SNTG1: variants seen among roughly 807,000 people sequenced by gnomAD.
SNTG1 encodes gamma-1-syntrophin.
In SNTG1, 39 loss-of-function variants were observed where a neutral mutation model predicts 74.7. The observed-to-expected ratio is 0.52, with a 90% CI of 0.40 to 0.68. The LOEUF is 0.68. Ranked by LOEUF, SNTG1 falls within the 30% of genes least tolerant of loss-of-function variation. The pLI is 0.00. For synonymous variants in SNTG1, 254 were observed against 217.1 expected (o/e 1.17, Z -1.49); for missense variants, 685 against 609.5 (o/e 1.12, Z -1.30).
intron 9 of SNTG1, among the ~76,000 whole-genome samples, chr8:50,516,317 A>T (rs966116388): frequency 6.6e-6 from 1 of 152,354 alleles, no homozygotes; most frequent in East Asian, 1.9e-4. Context: ...CCAAAAATAG[A>T]TAAGTCCACA....
chr8:50,044,138 C>A (rs370207467), intron 1 of SNTG1, among the ~76,000 whole-genome samples: 5 of 152,170 alleles, frequency 3.3e-5, no homozygotes, highest in East Asian at 3.9e-4. Context: ...GTTAAACTCA[C>A]AGAAGTCCCT....
chr8:50,141,153 G>A (rs2081643220), intron 1 of SNTG1, among the ~76,000 whole-genome samples: 1 of 152,156 alleles, frequency 6.6e-6, no homozygotes. Context: ...TCACGTTTTA[G>A]GCAGGTCTTC....
At chr8:49,973,373 G>A (rs1419968143) in intron 1 of SNTG1, among the ~76,000 whole-genome samples, 3 of 152,050 alleles carry the variant, frequency 2.0e-5, no homozygotes, top group Non-Finnish European at 2.9e-5. Flanking sequence ...TGGGGTGGGG[G>A]GAAGGGGGAG....
chr8:50,080,712 A>G (rs1265834542), intron 1 of SNTG1, among the ~76,000 whole-genome samples: 1 of 152,188 alleles, frequency 6.6e-6, no homozygotes, highest in Non-Finnish European at 1.5e-5. Context: ...TCTTTGCTGC[A>G]ACTGATCAAT....
chr8:50,080,795 G>A lies in SNTG1; in HGVS notation c.-102-91766G>A, dbSNP rs530498006. 3.3e-5 allele frequency among the ~76,000 whole-genome samples: 5 copies of A among 152,250 alleles called. No homozygotes were observed. The South Asian group carries it at 1.0e-3, about 32-fold the overall frequency. On this transcript the variant is annotated intron_variant, in intron 1 of 18. Coordinates refer to ENST00000642720, the MANE Select transcript of SNTG1 (RefSeq NM_018967.5). ...ACTAAGTCTGTTTTTCAATAAAAAT[G>A]TACCTGCAATCAGTTAGCAGCCCAG...
In SNTG1 at chr8:50,718,012, G is replaced by A. The variant is rs538092189; in HGVS notation, c.1284+9034G>A. ...AGTCCTTAGGGTTTGTGCTTTTGGA[G>A]GTCTCTGTCCTTTTAGCCCAATGAA... On this transcript the variant is annotated intron_variant, in intron 17 of 18. Coordinates refer to ENST00000642720, the MANE Select transcript of SNTG1 (RefSeq NM_018967.5). Among the ~76,000 whole-genome samples, 3 of 152,252 alleles carry A rather than the reference G, an allele frequency of 2.0e-5. No individual in the cohort carries two copies. The South Asian group carries it at 6.2e-4, about 32-fold the overall frequency.
chr8:49,926,336 A>C (rs1807027320), intron 1 of SNTG1, among the ~76,000 whole-genome samples: 1 of 152,116 alleles, frequency 6.6e-6, no homozygotes, highest in African/African-American at 2.4e-5. Flanking sequence ...ATTTTTTTAC[A>C]ATTTATATTT....
intron 1 of SNTG1, among the ~76,000 whole-genome samples, chr8:50,132,286 G>A (rs1393006877): frequency 3.9e-5 from 6 of 151,998 alleles, no homozygotes; most frequent in African/African-American, 9.7e-5. Context: ...AACCATTGCA[G>A]CATCAACTCT....
intron 2 of SNTG1, among the ~76,000 whole-genome samples, chr8:50,265,970 T>C (rs2087443738): frequency 6.6e-6 from 1 of 151,490 alleles, no homozygotes; most frequent in African/African-American, 2.4e-5. Flanking sequence ...ACATACCATA[T>C]TCATAGATAG....
At chr8:50,433,848 C>G (rs978456416) in intron 4 of SNTG1, among the ~76,000 whole-genome samples, 8 of 152,116 alleles carry the variant, frequency 5.3e-5, no homozygotes, top group Admixed American at 2.0e-4. Flanking sequence ...ATAAACAATT[C>G]TAAGTGCTAT....
chr8:50,632,439 T>C (rs545205955), intron 13 of SNTG1, among the ~76,000 whole-genome samples: 1 of 152,050 alleles, frequency 6.6e-6, no homozygotes, highest in Admixed American at 6.5e-5. Context: ...GAATCCTGAG[T>C]AGTTGGGACC....
chr8:50,776,972 T>C (rs2131810254), intron 18 of SNTG1, among the ~76,000 whole-genome samples: 1 of 151,960 alleles, frequency 6.6e-6, no homozygotes, highest in African/African-American at 2.4e-5. Flanking sequence ...TGTTCTCCTA[T>C]AGGTAAGGTT....
At chr8:50,675,973 G>T (rs2095308005) in intron 15 of SNTG1, among the ~76,000 whole-genome samples, 1 of 151,888 alleles carries the variant, frequency 6.6e-6, no homozygotes, top group Non-Finnish European at 1.5e-5. Flanking sequence ...ATCTCTTATG[G>T]CTTGTAGAAT....
Position 50,383,755 on chromosome 8 carries a change from A to G in SNTG1, c.-27-10457A>G, listed in dbSNP as rs562141268. ...ATTGGCATGAATCACAAGCATGGTA[A>G]GACACACCTAAGGAACCTCCTGTGC... On this transcript the variant is annotated intron_variant, in intron 2 of 18. Coordinates refer to ENST00000642720, the MANE Select transcript of SNTG1 (RefSeq NM_018967.5). 3.3e-5 allele frequency among the ~76,000 whole-genome samples: 5 copies of G among 152,290 alleles called. No homozygotes were observed. The East Asian group carries it at 9.7e-4, about 29-fold the overall frequency.
chr8:50,283,495 A>G (rs1339151992), intron 2 of SNTG1, among the ~76,000 whole-genome samples: 1 of 152,244 alleles, frequency 6.6e-6, no homozygotes, highest in Admixed American at 6.5e-5. Context: ...GACACTCATC[A>G]GTATAGGAAA....
At chr8:50,453,882 T>G (rs2093478623) in intron 8 of SNTG1, among the ~76,000 whole-genome samples, 1 of 152,164 alleles carries the variant, frequency 6.6e-6, no homozygotes, top group South Asian at 2.1e-4. Flanking sequence ...CCATGCTTCC[T>G]CCAACAATTC....
At chr8:50,368,015 C>T (rs1216910161) in intron 2 of SNTG1, among the ~76,000 whole-genome samples, 3 of 151,884 alleles carry the variant, frequency 2.0e-5, no homozygotes, top group Admixed American at 6.6e-5. Context: ...TTGGTAGAAA[C>T]GTGGACATTA....
chr8:50,086,457 G>A (rs563416518), intron 1 of SNTG1, among the ~76,000 whole-genome samples: 20 of 152,284 alleles, frequency 1.3e-4, no homozygotes, highest in African/African-American at 4.6e-4. Flanking sequence ...GGGTCAATAT[G>A]ATGTAATAAT....
At chr8:50,665,504 G>A (rs73676389) in intron 15 of SNTG1, among the ~76,000 whole-genome samples, 110 of 152,012 alleles carry the variant, frequency 7.2e-4, no homozygotes, top group African/African-American at 2.7e-3. Flanking sequence ...TCAATAGCAA[G>A]GAGCACACTC....
Sources: allele counts gnomAD v4.1 joint callset (sites outside exome capture counted in the v4.1 genomes callset), GRCh38; gene constraint gnomAD v4.1.1; transcripts MANE v1.5; gene names NCBI Gene and HGNC (gene_info 2026-07-23, HGNC 2026-07-21).